The following UBA2 variants were observed in gnomAD, a reference collection of about 807,000 sequenced individuals.
The protein encoded by UBA2 is ubiquitin like modifier activating enzyme 2.
A neutral mutation model predicts 77.2 loss-of-function variants in UBA2; 11 were observed. The observed-to-expected ratio is 0.14, with a 90% CI of 0.09 to 0.24. The LOEUF is 0.24. Ranked by LOEUF, UBA2 falls within the 10% of genes least tolerant of loss-of-function variation. The pLI is 1.00. For synonymous variants in UBA2, 278 were observed against 276.7 expected, an observed-to-expected ratio of 1.00 and a Z score of -0.05; for missense variants, 487 against 781.7, an observed-to-expected ratio of 0.62 and a Z score of 4.50.
intron 1 of UBA2, 25 bp downstream of exon 1, chr19:34,428,595 A>T: frequency 2.6e-6 from 3 of 1,173,274 alleles, no homozygotes; most frequent in Non-Finnish European, 3.2e-6. Flanking sequence ...CGCGCGCGTG[A>T]ATGGCGGGCT....
intron 10 of UBA2, among the ~76,000 whole-genome samples, chr19:34,452,564 G>A (rs148503756): frequency 5.3e-5 from 8 of 152,320 alleles, no homozygotes; most frequent in Non-Finnish European, 1.0e-4. Flanking sequence ...AGGTCTGAAA[G>A]ACAGAGCTCT....
chr19:34,462,579 T>C (rs1197130013), intron 14 of UBA2, among the ~76,000 whole-genome samples: 1 of 152,000 alleles, frequency 6.6e-6, no homozygotes, highest in South Asian at 2.1e-4. Flanking sequence ...GGTGTCAACG[T>C]AGGGAAAGGC....
intron 14 of UBA2, 55 bp downstream of exon 14, chr19:34,460,621 G>A: frequency 4.0e-6 from 5 of 1,263,934 alleles, no homozygotes; most frequent in East Asian, 2.4e-5. Context: ...CTTGAAGAGT[G>A]CACATTAGTT....
chr19:34,437,977 C>T (rs2075327892), intron 5 of UBA2, among the ~76,000 whole-genome samples: 3 of 152,100 alleles, frequency 2.0e-5, no homozygotes, highest in Admixed American at 2.0e-4. Context: ...ATTGCTTGAA[C>T]CTGGGAGGCG....
intron 3 of UBA2, 33 bp downstream of exon 3, chr19:34,431,964 T>TA: frequency 6.4e-7 from 1 of 1,560,680 alleles, no homozygotes; most frequent in Non-Finnish European, 8.8e-7. Context: ...CAAAGTTGTA[T>TA]AAGGGTTTTG....
chr19:34,464,188 C>A, intron 15 of UBA2, 57 bp downstream of exon 15: 1 of 1,191,596 alleles, frequency 8.4e-7, no homozygotes, highest in East Asian at 2.5e-5. Flanking sequence ...AAACTTTAGA[C>A]AAAATGAAGG....
intron 3 of UBA2, among the ~76,000 whole-genome samples, chr19:34,432,610 T>C (rs887897744): frequency 6.6e-6 from 1 of 152,018 alleles, no homozygotes; most frequent in African/African-American, 2.4e-5. Flanking sequence ...CAGGCTGGAG[T>C]ACAGTGGCAT....
intron 3 of UBA2, 129 bp from the exon 4 acceptor site, chr19:34,433,219 A>G (rs150809947): frequency 1.0e-4 from 66 of 659,022 alleles, no homozygotes; most frequent in African/African-American, 5.8e-4. Flanking sequence ...CTTACTATCT[A>G]TATGACATAT....
chr19:34,466,673 G>A (rs1170080002), intron 15 of UBA2, among the ~76,000 whole-genome samples: 2 of 151,836 alleles, frequency 1.3e-5, no homozygotes, highest in African/African-American at 2.4e-5. Flanking sequence ...GTGGGAGGAT[G>A]GCTTGAGCCC....
At position 34,452,113 on chromosome 19, in the gene UBA2, A is replaced by G. The variant is rs367685499; in HGVS notation, c.1004A>G (p.Glu335Gly). The stretch of plus-strand genomic sequence containing the variant: ...GAGACTTTGAGAGTTCATTTAGCAG[A>G]AAAGGGGGATGGAGCTGAGCTCATA... ...SIETLRVHLAEKGDGAELIWD... is the reference protein window; with the variant it reads ...SIETLRVHLAGKGDGAELIWD... Residue 335 changes from glutamate (E) to glycine (G), a missense_variant, in exon 10 of 17, where the codon GAA (glutamate) becomes GGA (glycine). Glu to Gly is a moderately conservative substitution (Grantham distance 98). This residue lies in a region of UBA2 where 300 missense variants were observed against 454.3 expected (regional missense o/e 0.66). Transcript: ENST00000246548. 4.4e-6 allele frequency: 7 copies of G among 1,609,152 alleles called. No homozygotes were observed. In the South Asian group the frequency reaches 4.4e-5, roughly 10 times the overall value.
At chr19:34,460,448 AT>A in intron 13 of UBA2, 21 bp from the exon 14 acceptor site, 1 of 1,318,246 alleles carries the variant, frequency 7.6e-7, no homozygotes, top group South Asian at 1.3e-5. Context: ...AATATTTTGA[AT>A]CCTTTTTTTT....
At chr19:34,462,963 A>AGG (rs926761822) in intron 14 of UBA2, among the ~76,000 whole-genome samples, 15 of 151,910 alleles carry the variant, frequency 9.9e-5, no homozygotes, top group Middle Eastern at 3.2e-3. Context: ...GGCATGGTGG[A>AGG]GGGGGTGCAT....
At chr19:34,446,161 G>A (rs1467214416) in intron 8 of UBA2, among the ~76,000 whole-genome samples, 2 of 152,080 alleles carry the variant, frequency 1.3e-5, no homozygotes, top group African/African-American at 2.4e-5. Flanking sequence ...TTACAGGCAT[G>A]AACCACTGAG....
At chr19:34,441,662 A>G (rs2075370843) in intron 6 of UBA2, among the ~76,000 whole-genome samples, 1 of 152,010 alleles carries the variant, frequency 6.6e-6, no homozygotes, top group Admixed American at 6.6e-5. Flanking sequence ...TTTATTTGGC[A>G]AACATTTTTT....
intron 6 of UBA2, 83 bp downstream of exon 6, chr19:34,438,849 T>C (rs1007271604): frequency 6.5e-7 from 1 of 1,529,058 alleles, no homozygotes; most frequent in Non-Finnish European, 8.9e-7. Context: ...CTTGAAGAGA[T>C]TGAACTCAGG....
intron 16 of UBA2, 196 bp downstream of exon 16, chr19:34,467,210 G>A (rs374822071): frequency 1.5e-5 from 9 of 605,044 alleles, no homozygotes; most frequent in East Asian, 9.0e-5. Context: ...GCTTACACCT[G>A]TAATCCCAGC....
chr19:34,437,477 G>T (rs896658568), intron 5 of UBA2, among the ~76,000 whole-genome samples: 4 of 151,604 alleles, frequency 2.6e-5, no homozygotes, highest in African/African-American at 7.3e-5. Context: ...GGGTGTGGTG[G>T]CACGCACCTG....
At position 34,461,773 on chromosome 19, in the gene UBA2, G is replaced by A. The variant is rs759975403; in HGVS notation, c.1498+1207G>A. Among the ~76,000 whole-genome samples the A allele has an allele frequency of 3.9e-4, 59 of 152,174 alleles. 1 individual carries two copies. Among genetic ancestry groups the A allele is most frequent in the Non-Finnish European group, 8.5e-4 (58 of 68,024 alleles). On this transcript the variant is annotated intron_variant, in intron 14 of 16. Coordinates refer to ENST00000246548, the MANE Select transcript of UBA2 (RefSeq NM_005499.3). ...TGAAGTGCCTTGCAGCCTGGAAGAA[G>A]GGAGATTGTCAACAGCTGGATTGAG... is the stretch of plus-strand genomic sequence containing the variant.
intron 16 of UBA2, 81 bp downstream of exon 16, chr19:34,467,095 C>T: frequency 1.3e-6 from 2 of 1,498,768 alleles, no homozygotes; most frequent in Non-Finnish European, 1.8e-6. Flanking sequence ...GAACATTGAC[C>T]ATAAATCCAT....
Sources: gnomAD v4.1 joint callset for allele counts (sites outside exome capture counted in the v4.1 genomes callset) on GRCh38, gnomAD v4.1.1 for gene constraint, gnomAD v4.1.1 regional missense constraint, MANE v1.5 for transcripts, NCBI Gene and HGNC (gene_info 2026-07-23, HGNC 2026-07-21) for gene names.